Variants in ABCG1 observed in about 807,000 individuals in gnomAD.
The protein encoded by ABCG1 is ATP-binding cassette sub-family G member 1.
Under a neutral mutation model 69.2 loss-of-function variants are expected in ABCG1, and 29 were observed. The ratio of observed to expected loss-of-function variants is 0.42; its 90% CI spans 0.31 to 0.57. ABCG1 has a LOEUF of 0.57. Among genes scored for constraint, ABCG1 ranks in the 20% least tolerant of loss-of-function variants. The pLI is 0.15. For synonymous variants in ABCG1, 370 were observed against 374.8 expected (o/e 0.99, Z 0.15); for missense variants, 718 against 898.1 (o/e 0.80, Z 2.56).
intron 2 of ABCG1, among the ~76,000 whole-genome samples, chr21:42,255,505 T>A (rs2068289379): frequency 6.6e-6 from 1 of 152,078 alleles, no homozygotes; most frequent in African/African-American, 2.4e-5. Flanking sequence ...GGCATGGGTG[T>A]GTATCATGGC....
intron 4 of ABCG1, among the ~76,000 whole-genome samples, chr21:42,275,417 C>A (rs1001449127): frequency 6.6e-6 from 1 of 152,202 alleles, no homozygotes; most frequent in African/African-American, 2.4e-5. Context: ...GAGGAGTTGG[C>A]GAACAGATGC....
chr21:42,231,362 T>C (rs1390467432), intron 2 of ABCG1, among the ~76,000 whole-genome samples: 3 of 152,216 alleles, frequency 2.0e-5, no homozygotes, highest in Non-Finnish European at 4.4e-5. Context: ...TCTGATGGAA[T>C]GGAATGTCGC....
At chr21:42,293,657 A>G (rs981427729) in intron 13 of ABCG1, among the ~76,000 whole-genome samples, 17 of 142,326 alleles carry the variant, frequency 1.2e-4, no homozygotes, top group African/African-American at 4.5e-4. Context: ...ACTACACACC[A>G]CACACTACAC....
intron 2 of ABCG1, among the ~76,000 whole-genome samples, chr21:42,232,239 G>T (rs1449696012): frequency 6.6e-6 from 1 of 152,244 alleles, no homozygotes; most frequent in Non-Finnish European, 1.5e-5. Flanking sequence ...GACCAAAGGG[G>T]TTTGCTACTT....
At chr21:42,211,864 G>C (rs142216941), upstream of ABCG1, among the ~76,000 whole-genome samples, 1 of 152,126 alleles carries the variant, frequency 6.6e-6, no homozygotes, top group South Asian at 2.1e-4. Context: ...ACTCCAGCCT[G>C]GGTGACAGAG....
chr21:42,220,729 T>C (rs185548752), intron 1 of ABCG1, among the ~76,000 whole-genome samples: 2 of 152,410 alleles, frequency 1.3e-5, no homozygotes, highest in East Asian at 3.9e-4. Context: ...TGCTTTTCTC[T>C]GGTTGAATCT....
intron 2 of ABCG1, among the ~76,000 whole-genome samples, chr21:42,246,176 C>G (rs958537143): frequency 2.0e-5 from 3 of 152,162 alleles, no homozygotes; most frequent in Admixed American, 6.5e-5. Flanking sequence ...ATTTGCAGAA[C>G]GGTGCAGTGA....
chr21:42,289,460 T>C (rs1170405173), intron 10 of ABCG1, among the ~76,000 whole-genome samples: 1 of 152,184 alleles, frequency 6.6e-6, no homozygotes, highest in Non-Finnish European at 1.5e-5. Context: ...GCGAGTCCAT[T>C]TCTCCTTCAG....
intron 8 of ABCG1, 88 bp downstream of exon 8, chr21:42,286,082 A>T (rs977069215): frequency 3.5e-6 from 3 of 861,406 alleles, no homozygotes; most frequent in African/African-American, 3.3e-5. Flanking sequence ...CCCAACTCAG[A>T]AACCACTTGA....
Position 42,276,139 on chromosome 21 carries a change from G to A in ABCG1, c.538-756G>A, listed in dbSNP as rs555860721. Among the ~76,000 whole-genome samples the A allele has an allele frequency of 8.5e-5, 13 of 152,312 alleles. No homozygotes were observed. The East Asian group carries it at 2.3e-3, about 27-fold the overall frequency. On this transcript the variant is annotated intron_variant, in intron 4 of 14. Coordinates refer to ENST00000398449, the MANE Select transcript of ABCG1 (RefSeq NM_016818.3). The surrounding 1 kb of genome is among the most constrained non-coding windows in gnomAD (Gnocchi z 5.3). ...GGTTGCACGTTTGCCCAAGGCCACG[G>A]GAGGCAGGAGGGTGGAAGCAAGGCC...
intron 3 of ABCG1, among the ~76,000 whole-genome samples, chr21:42,272,165 T>G (rs1378306979): frequency 6.6e-6 from 1 of 152,190 alleles, no homozygotes; most frequent in Non-Finnish European, 1.5e-5. Context: ...GAAATTGGGG[T>G]TTGAAAAAAC....
intron 2 of ABCG1, among the ~76,000 whole-genome samples, chr21:42,256,788 T>C (rs2123671660): frequency 6.6e-6 from 1 of 152,336 alleles, no homozygotes; most frequent in South Asian, 2.1e-4. Flanking sequence ...ATGTGAAGCC[T>C]TAGGTCCACT....
chr21:42,291,039 G>A lies in ABCG1; in HGVS notation c.1394-53G>A, dbSNP rs1247197654. On this transcript the variant is annotated intron_variant, in intron 11 of 14. Coordinates refer to ENST00000398449, the MANE Select transcript of ABCG1 (RefSeq NM_016818.3). This position sits in a 1 kb window ranked among gnomAD's most constrained non-coding sequence, Gnocchi z 6.4. ...AAGATCGCCTGTTGGGATGTTAAACGGGCTCGCTGCACATGGTCACTGACC... is the reference window on the plus strand; with the variant it reads ...AAGATCGCCTGTTGGGATGTTAAACAGGCTCGCTGCACATGGTCACTGACC... 5.1e-6 allele frequency: 7 copies of A among 1,385,180 alleles called. No individual in the cohort carries two copies. Among genetic ancestry groups the A allele is most frequent in the African/African-American group, 1.4e-5 (1 of 70,450 alleles). The allele number at this position is 1,385,180 out of a possible 1,614,324, so 85.8% of individuals were successfully genotyped here. A position where few individuals can be genotyped will look rare whatever the true frequency, so the allele number is the denominator to read the frequency against.
chr21:42,255,972 T>A (rs2123667753), intron 2 of ABCG1: 1 of 328,096 alleles, frequency 3.0e-6, no homozygotes, highest in East Asian at 5.2e-5. Context: ...GACATCTCTT[T>A]GTGTCCCCCA....
chr21:42,276,731 C>A lies in ABCG1; in HGVS notation c.538-164C>A. 1.5e-6 allele frequency: 1 copy of A among 676,378 alleles called. No individual in the cohort carries two copies. Among genetic ancestry groups the A allele is most frequent in the South Asian group, 1.8e-5 (1 of 56,904 alleles). 41.9% of individuals were successfully genotyped at this position (676,378 alleles called of 1,614,324 possible). On this transcript the variant is annotated intron_variant, in intron 4 of 14. Transcript: ENST00000398449. This position sits in a 1 kb window ranked among gnomAD's most constrained non-coding sequence, Gnocchi z 5.3. ...CCGTGGCTAGCTGCACCGTGGCTAG[C>A]GGCATTGTGGCTAGCTGCACTGTGG...
At chr21:42,245,038 C>A (rs1402773116) in intron 2 of ABCG1, among the ~76,000 whole-genome samples, 3 of 152,224 alleles carry the variant, frequency 2.0e-5, no homozygotes, top group Admixed American at 1.3e-4. Flanking sequence ...GCTCTGCCCC[C>A]ACGCGCTCCA....
intron 2 of ABCG1, among the ~76,000 whole-genome samples, chr21:42,244,863 C>T (rs1330693323): frequency 6.6e-6 from 1 of 152,226 alleles, no homozygotes; most frequent in Non-Finnish European, 1.5e-5. Flanking sequence ...AGGTGAAATC[C>T]CCACCTTGCT....
intron 14 of ABCG1, among the ~76,000 whole-genome samples, chr21:42,295,925 G>GT (rs1468366721): frequency 2.6e-5 from 4 of 152,102 alleles, no homozygotes; most frequent in East Asian, 1.9e-4. Flanking sequence ...CATTCAACTT[G>GT]TTTTTTTGCT....
intron 5 of ABCG1, among the ~76,000 whole-genome samples, chr21:42,280,045 C>T (rs1391221040): frequency 6.6e-6 from 1 of 152,236 alleles, no homozygotes; most frequent in African/African-American, 2.4e-5. Flanking sequence ...CCTCAGATTC[C>T]TCTTCGGCTG....
Sources: gnomAD v4.1 joint callset for allele counts (sites outside exome capture counted in the v4.1 genomes callset) on GRCh38, gnomAD v4.1.1 for gene constraint, Gnocchi (gnomAD v3.1) non-coding constraint, MANE v1.5 for transcripts, NCBI Gene and HGNC (gene_info 2026-07-23, HGNC 2026-07-21) for gene names.